Variants in FOXO1 observed in about 807,000 individuals in gnomAD.
FOXO1 encodes the protein forkhead box protein O1.
In FOXO1, 6 loss-of-function variants were observed where a neutral mutation model predicts 44.1. The ratio of observed to expected loss-of-function variants is 0.14; its 90% confidence interval spans 0.07 to 0.27. FOXO1 has a LOEUF of 0.27. FOXO1 is among the 10% of genes least tolerant of loss of function. FOXO1 has a pLI of 1.00. For missense variants in FOXO1, 737 were observed against 888.8 expected (o/e 0.83, Z 2.17); for synonymous variants, 380 against 362.7 (o/e 1.05, Z -0.54).
chr13:40,572,996 C>A (rs1268226802), intron 1 of FOXO1, among the ~76,000 whole-genome samples: 2 of 152,316 alleles, frequency 1.3e-5, no homozygotes, highest in East Asian at 3.9e-4. Context: ...ATGCTGCTTT[C>A]ATTAACATAC....
intron 1 of FOXO1, among the ~76,000 whole-genome samples, chr13:40,576,853 T>C (rs762487481): frequency 1.4e-4 from 22 of 152,260 alleles, no homozygotes; most frequent in South Asian, 2.1e-4. Context: ...TTATCCATCA[T>C]TCACAAGATT....
chr13:40,593,763 A>G (rs969771661), intron 1 of FOXO1, among the ~76,000 whole-genome samples: 12 of 152,188 alleles, frequency 7.9e-5, no homozygotes, highest in African/African-American at 2.4e-4. Flanking sequence ...ATGTAACAAA[A>G]AAATCAGGAC....
chr13:40,585,667 T>C (rs1875137349), intron 1 of FOXO1, among the ~76,000 whole-genome samples: 1 of 152,182 alleles, frequency 6.6e-6, no homozygotes, highest in Non-Finnish European at 1.5e-5. Flanking sequence ...CGGAAATAAT[T>C]GATTCAGGTG....
At position 40,561,307 on chromosome 13, in the gene FOXO1, G is replaced by A. The variant is rs1302998725; in HGVS notation, c.631-447C>T. 3.5e-5 allele frequency among the ~76,000 whole-genome samples: 5 copies of A among 143,344 alleles called. No individual in the cohort carries two copies. In the South Asian group the frequency reaches 8.8e-4, roughly 25 times the overall value. The allele number at this position is 143,344 out of a possible 152,430, so 94.0% of individuals were successfully genotyped here. On this transcript the variant is annotated intron_variant, in intron 1 of 2. Coordinates refer to ENST00000379561, the MANE Select transcript of FOXO1 (RefSeq NM_002015.4). ...GCGGAGCTTGCAGTGAGGCGAGATC[G>A]TGCCACTGCACTCCAGCCTGGGAGA...
intron 1 of FOXO1, among the ~76,000 whole-genome samples, chr13:40,594,145 A>C (rs905284165): frequency 1.3e-5 from 2 of 152,196 alleles, no homozygotes; most frequent in African/African-American, 4.8e-5. Context: ...AGAAAATCAG[A>C]TAAACTCACA....
chr13:40,616,585 G>A (rs186519392), intron 1 of FOXO1, among the ~76,000 whole-genome samples: 124 of 152,338 alleles, frequency 8.1e-4, no homozygotes, highest in African/African-American at 2.8e-3. Context: ...ACAGGTAGCA[G>A]CAGCGGGAGT....
chr13:40,601,510 AT>A (rs1398363166), intron 1 of FOXO1, among the ~76,000 whole-genome samples: 7 of 152,190 alleles, frequency 4.6e-5, no homozygotes, highest in Admixed American at 1.3e-4. Flanking sequence ...TATTTTTCAA[AT>A]TTTCTCTAAT....
chr13:40,639,339 T>A (rs1877272752), intron 1 of FOXO1, among the ~76,000 whole-genome samples: 1 of 152,236 alleles, frequency 6.6e-6, no homozygotes, highest in Admixed American at 6.5e-5. Context: ...TCAGACCCTC[T>A]GACAGTCTAA....
intron 1 of FOXO1, among the ~76,000 whole-genome samples, chr13:40,628,436 G>A (rs1277526395): frequency 6.6e-6 from 1 of 151,318 alleles, no homozygotes; most frequent in Non-Finnish European, 1.5e-5. Context: ...AACTTGTCTG[G>A]ACAAACCTTG....
At position 40,650,115 on chromosome 13, in the gene FOXO1, C is replaced by T. The variant is rs892678941; in HGVS notation, c.630+15468G>A. ...GGCTATTTCTTGATGATATGCTAAA[C>T]GAGGGGTGGATTATTCATGCCTCCC... On this transcript the variant is annotated intron_variant, in intron 1 of 2. Coordinates refer to ENST00000379561, the MANE Select transcript of FOXO1 (RefSeq NM_002015.4). Among the ~76,000 whole-genome samples, 8 of 151,464 alleles carry T rather than the reference C, an allele frequency of 5.3e-5. No homozygotes were observed. In the East Asian group the frequency reaches 7.8e-4, roughly 15 times the overall value.
intron 1 of FOXO1, among the ~76,000 whole-genome samples, chr13:40,654,842 G>C (rs1443071150): frequency 6.6e-6 from 1 of 152,168 alleles, no homozygotes; most frequent in Non-Finnish European, 1.5e-5. Flanking sequence ...AAGGTCAGCA[G>C]AGATAGGCTA....
intron 1 of FOXO1, among the ~76,000 whole-genome samples, chr13:40,650,519 T>C (rs962725597): frequency 1.3e-5 from 2 of 152,134 alleles, no homozygotes; most frequent in Admixed American, 1.3e-4. Context: ...ATTAAGAATG[T>C]TTATTTCTGA....
intron 1 of FOXO1, among the ~76,000 whole-genome samples, chr13:40,575,375 G>A (rs1874705335): frequency 6.6e-6 from 1 of 152,156 alleles, no homozygotes; most frequent in African/African-American, 2.4e-5. Context: ...AACTGAACAT[G>A]TCCAGTTCAT....
chr13:40,614,671 A>T (rs551017178), intron 1 of FOXO1, among the ~76,000 whole-genome samples: 1 of 152,316 alleles, frequency 6.6e-6, no homozygotes, highest in East Asian at 1.9e-4. Flanking sequence ...CCAGCCTTCC[A>T]ACCCCTCGGC....
chr13:40,600,094 A>G (rs9566553), intron 1 of FOXO1, among the ~76,000 whole-genome samples: 62,209 of 151,896 alleles, frequency 0.41, 13,920 homozygotes, highest in East Asian at 0.75. Flanking sequence ...AGCGCTGAAA[A>G]CTATCCTCAC....
chr13:40,647,066 T>C (rs192282489), intron 1 of FOXO1, among the ~76,000 whole-genome samples: 4 of 152,332 alleles, frequency 2.6e-5, no homozygotes, highest in Non-Finnish European at 5.9e-5. Flanking sequence ...TGTCCTTTTG[T>C]AAAAGAAATT....
Position 40,612,519 on chromosome 13 carries a change from C to T in FOXO1, c.631-51659G>A, listed in dbSNP as rs139592429. 1.5e-4 allele frequency among the ~76,000 whole-genome samples: 23 copies of T among 152,260 alleles called. No homozygotes were observed. The East Asian group carries it at 3.7e-3, about 24-fold the overall frequency. On this transcript the variant is annotated intron_variant, in intron 1 of 2. Transcript: ENST00000379561. ...CACACACGTGCGTTCGCAAGCATGC[C>T]TAAGGAGATTTCTTTCAAAAAGAAG...
intron 1 of FOXO1, among the ~76,000 whole-genome samples, chr13:40,654,241 G>A (rs1446527790): frequency 1.3e-5 from 2 of 149,774 alleles, no homozygotes; most frequent in African/African-American, 4.9e-5. Context: ...ACTTTGGGAG[G>A]CTGAGGTGGG....
At chr13:40,601,744 T>G (rs1157311635) in intron 1 of FOXO1, among the ~76,000 whole-genome samples, 1 of 152,208 alleles carries the variant, frequency 6.6e-6, no homozygotes, top group Non-Finnish European at 1.5e-5. Context: ...TTGTTATTCT[T>G]TTGAAAAATA....
Sources: gnomAD v4.1 joint callset for allele counts (sites outside exome capture counted in the v4.1 genomes callset) on GRCh38, gnomAD v4.1.1 for gene constraint, MANE v1.5 for transcripts, NCBI Gene and HGNC (gene_info 2026-07-23, HGNC 2026-07-21) for gene names.